Variants in TEX36 observed in about 807,000 individuals in gnomAD.
The protein encoded by TEX36 is testis-expressed protein 36.
A neutral mutation model predicts 13.6 loss-of-function variants in TEX36; 12 were observed. The ratio of observed to expected loss-of-function variants is 0.88; its 90% confidence interval spans 0.56 to 1.43. The LOEUF is 1.43. Among genes scored for constraint, TEX36 ranks in the 40% most tolerant of loss-of-function variants. The pLI, the probability that TEX36 is intolerant of heterozygous loss-of-function variation, is 0.00. For missense variants in TEX36, 224 were observed against 228.3 expected (o/e 0.98, Z 0.12); for synonymous variants, 93 against 83.0 (o/e 1.12, Z -0.65).
intron 3 of TEX36, among the ~76,000 whole-genome samples, chr10:125,579,388 C>G (rs1191348434): frequency 6.6e-6 from 1 of 152,176 alleles, no homozygotes; most frequent in Admixed American, 6.5e-5. Context: ...AGAATTCACT[C>G]ACTATCATGA....
Position 125,592,762 on chromosome 10 carries a change from C to G in TEX36, c.265-15888G>C, listed in dbSNP as rs141704039. ...CTATAAGTCAGGAGTCCCACAACCC[C>G]CTTCCTCACATTTGATTACTTTGTT... On this transcript the variant is annotated intron_variant, in intron 3 of 3. Transcript: ENST00000532135. Among the ~76,000 whole-genome samples the G allele has an allele frequency of 1.8e-4, 28 of 152,284 alleles. No homozygotes were observed. The East Asian group carries it at 5.2e-3, about 28-fold the overall frequency.
Position 125,650,546 on chromosome 10 carries a change from G to A in TEX36, c.264+10475C>T, listed in dbSNP as rs1260771235. Among the ~76,000 whole-genome samples, 5 of 152,102 alleles carry A rather than the reference G, an allele frequency of 3.3e-5. No individual in the cohort carries two copies. In the East Asian group the frequency reaches 9.6e-4, roughly 29 times the overall value. On this transcript the variant is annotated intron_variant, in intron 3 of 3. Transcript: ENST00000526819. The stretch of plus-strand genomic sequence containing the variant: ...ACTAAATGCCCACAAGAGAAAGCAG[G>A]AAAGATCTAAAATCGATACCCTAAC...
chr10:125,642,995 T>A (rs1263207261), intron 3 of TEX36, among the ~76,000 whole-genome samples: 1 of 152,240 alleles, frequency 6.6e-6, no homozygotes, highest in Non-Finnish European at 1.5e-5. Context: ...GTATTCACTG[T>A]TCCAGGGGTG....
At chr10:125,598,908 G>A (rs577018353) in intron 3 of TEX36, among the ~76,000 whole-genome samples, 3 of 152,178 alleles carry the variant, frequency 2.0e-5, no homozygotes, top group African/African-American at 7.2e-5. Context: ...GGTCCTGCTG[G>A]TTAACCACTA....
At chr10:125,576,625 G>A in exon 4 of TEX36, 2 of 1,296,062 alleles carry the variant, frequency 1.5e-6, no homozygotes, top group Non-Finnish European at 2.1e-6. Flanking sequence ...CAAGAATGCT[G>A]AATAAATCCT....
intron 3 of TEX36, among the ~76,000 whole-genome samples, chr10:125,577,030 C>T (rs1700606192): frequency 6.6e-6 from 1 of 152,164 alleles, no homozygotes; most frequent in Non-Finnish European, 1.5e-5. Context: ...GAGCCCTAGG[C>T]CCATCCATGA....
chr10:125,636,416 G>A (rs1447333737), intron 3 of TEX36, among the ~76,000 whole-genome samples: 8 of 150,050 alleles, frequency 5.3e-5, no homozygotes, highest in East Asian at 2.0e-4. Context: ...GGGTTTCACC[G>A]TGTTAGCCAG....
At chr10:125,624,490 G>A (rs919167514) in intron 3 of TEX36, among the ~76,000 whole-genome samples, 16 of 152,112 alleles carry the variant, frequency 1.1e-4, no homozygotes, top group Non-Finnish European at 2.2e-4. Context: ...CAGATCAGAG[G>A]GTCCTGAGGA....
chr10:125,639,191 T>C (rs1846654411), intron 3 of TEX36, among the ~76,000 whole-genome samples: 1 of 152,236 alleles, frequency 6.6e-6, no homozygotes, highest in Non-Finnish European at 1.5e-5. Flanking sequence ...TCATAATTGT[T>C]CTGTGAGATA....
At chr10:125,611,541 C>A (rs937329314) in intron 3 of TEX36, among the ~76,000 whole-genome samples, 1 of 151,946 alleles carries the variant, frequency 6.6e-6, no homozygotes, top group African/African-American at 2.4e-5. Flanking sequence ...AGTTCTAAGC[C>A]CGTTTTTTAT....
In TEX36 at chr10:125,661,028, AG is replaced by A. The variant is rs1565187478; in HGVS notation, c.256del (p.Asp87ThrfsTer80). ...RHSLENSGCYLDSGLGRKKIS... is the reference protein window; with the variant it reads ...RHSLENSGCYXDSGLGRKKIS... Reference sequence around the variant, plus strand: ...TTGGAAAGAAATACTCACGGAGTCAAGGTAGCATCCAGAGTTCTCCAAGCTG... The same window carrying A: ...TTGGAAAGAAATACTCACGGAGTCAAGTAGCATCCAGAGTTCTCCAAGCTG... On this transcript the variant is annotated frameshift_variant, in exon 3 of 4. Coordinates refer to ENST00000368821, the MANE Select transcript of TEX36 (RefSeq NM_001128202.3). LOFTEE classifies it low-confidence loss of function (END_TRUNC). 6.4e-7 allele frequency: 1 copy of A among 1,551,402 alleles called. No individual in the cohort carries two copies. The highest frequency in any genetic ancestry group is 1.2e-5 in the South Asian group (1 of 84,050).
intron 3 of TEX36, among the ~76,000 whole-genome samples, chr10:125,633,633 T>C (rs889600987): frequency 2.6e-5 from 4 of 152,210 alleles, no homozygotes; most frequent in African/African-American, 9.6e-5. Flanking sequence ...ATGTACCTCG[T>C]ATCCTGCTTT....
chr10:125,587,386 C>T (rs1400244941), intron 3 of TEX36, among the ~76,000 whole-genome samples: 1 of 152,180 alleles, frequency 6.6e-6, no homozygotes, highest in Non-Finnish European at 1.5e-5. Context: ...GGTTATTAAA[C>T]TTACACAGTT....
At chr10:125,621,594 G>T, downstream of TEX36, 1 of 455,948 alleles carries the variant, frequency 2.2e-6, no homozygotes. Context: ...TTTTTAGGGA[G>T]AATTGACTCA....
intron 1 of TEX36, chr10:125,667,847 T>C (rs936631331): frequency 1.3e-6 from 2 of 1,502,240 alleles, no homozygotes; most frequent in Non-Finnish European, 1.8e-6. Flanking sequence ...CCCAGTGGAC[T>C]CATCTGCAGC....
At chr10:125,647,242 T>A (rs1846783928) in intron 3 of TEX36, among the ~76,000 whole-genome samples, 1 of 152,190 alleles carries the variant, frequency 6.6e-6, no homozygotes, top group African/African-American at 2.4e-5. Context: ...CCCAGAATTA[T>A]TTAATAAGCT....
At chr10:125,605,809 C>T (rs1846209078) in intron 3 of TEX36, among the ~76,000 whole-genome samples, 2 of 152,110 alleles carry the variant, frequency 1.3e-5, no homozygotes, top group South Asian at 4.2e-4. Context: ...ACCATGTTGG[C>T]CAGGCTGGTC....
At chr10:125,584,015 G>A (rs187897258) in intron 3 of TEX36, among the ~76,000 whole-genome samples, 1 of 152,292 alleles carries the variant, frequency 6.6e-6, no homozygotes, top group African/African-American at 2.4e-5. Flanking sequence ...TGGGAGCTTA[G>A]AGCAGGCCTC....
intron 1 of TEX36, among the ~76,000 whole-genome samples, chr10:125,673,684 T>C (rs1333268732): frequency 8.2e-6 from 1 of 122,576 alleles, no homozygotes; most frequent in Non-Finnish European, 1.6e-5. Flanking sequence ...CACTCCAGCC[T>C]GGGCGACGAG....
Sources: gnomAD v4.1 joint callset for allele counts (sites outside exome capture counted in the v4.1 genomes callset) on GRCh38, gnomAD v4.1.1 for gene constraint, MANE v1.5 for transcripts, NCBI Gene and HGNC (gene_info 2026-07-23, HGNC 2026-07-21) for gene names.